ATP13A3: variants seen among roughly 807,000 people sequenced by gnomAD.
The protein encoded by ATP13A3 is polyamine-transporting ATPase 13A3.
ATP13A3 carries 59 observed loss-of-function variants against 158.1 expected under a neutral mutation model. The observed-to-expected ratio is 0.37, with a 90% CI of 0.30 to 0.46. The LOEUF is 0.46. ATP13A3 is among the 20% of genes least tolerant of loss of function. The probability of loss-of-function intolerance (pLI) is 1.00; values close to 1 mark genes in which losing one functional copy is unlikely to be tolerated. For synonymous variants in ATP13A3, 491 were observed against 504.3 expected, an observed-to-expected ratio of 0.97 and a Z score of 0.35; for missense variants, 1,166 against 1,525.2, an observed-to-expected ratio of 0.76 and a Z score of 3.92.
In ATP13A3 at chr3:194,413,594, A is replaced by G. The variant is rs547463099; in HGVS notation, c.3483+165T>C. Among the ~76,000 whole-genome samples, 5 of 152,336 alleles carry G rather than the reference A, an allele frequency of 3.3e-5. No homozygotes were observed. The East Asian group carries it at 9.6e-4, about 29-fold the overall frequency. On this transcript the variant is annotated intron_variant, in intron 32 of 33. Transcript: ENST00000645319. Reference sequence around the variant, plus strand: ...CACCTCCCTTAATATGACCACTATCAATTCATGGAAAAGTTCACAAGAGAA... The same window carrying G: ...CACCTCCCTTAATATGACCACTATCGATTCATGGAAAAGTTCACAAGAGAA...
At chr3:194,432,351 G>A (rs935718823) in intron 21 of ATP13A3, among the ~76,000 whole-genome samples, 1 of 152,136 alleles carries the variant, frequency 6.6e-6, no homozygotes, top group African/African-American at 2.4e-5. Context: ...CAGGTAATAA[G>A]AACAGGTGTA....
Position 194,429,058 on chromosome 3 carries a change from G to A in ATP13A3, c.2875-141C>T, listed in dbSNP as rs1008578409. On this transcript the variant is annotated intron_variant, in intron 27 of 33. Coordinates refer to ENST00000645319, the MANE Select transcript of ATP13A3 (RefSeq NM_001367549.1). ...GACCTGCTTAAAAATTGAAATATAA[G>A]TGTCTCTGAAACTAAATATAACATA... 9.9e-6 allele frequency: 5 copies of A among 503,326 alleles called. No homozygotes were observed. The African/African-American group carries it at 1.0e-4, about 10-fold the overall frequency. The allele number at this position is 503,326 out of a possible 1,614,324, so 31.2% of individuals were successfully genotyped here.
At chr3:194,447,348 C>T (rs1718474919) in intron 13 of ATP13A3, among the ~76,000 whole-genome samples, 1 of 152,126 alleles carries the variant, frequency 6.6e-6, no homozygotes, top group Non-Finnish European at 1.5e-5. Context: ...AGAAACTTAT[C>T]TCATTTTCAA....
intron 17 of ATP13A3, 48 bp from the exon 18 acceptor site, chr3:194,437,621 A>T (rs185883180): frequency 2.6e-6 from 4 of 1,523,000 alleles, no homozygotes. Context: ...TAACTCTATT[A>T]ACACACTAAA....
At position 194,433,910 on chromosome 3, in the gene ATP13A3, A is replaced by T. The variant is rs1717432432; in HGVS notation, c.2121-14T>A. The T allele has an allele frequency of 6.2e-7, 1 of 1,612,062 alleles. No individual in the cohort carries two copies. Among genetic ancestry groups the T allele is most frequent in the South Asian group, 1.1e-5 (1 of 90,942 alleles). ...TCAATTGCATCTCTGCAGAAAAAGA[A>T]GTTTTAACACATAATGGTTTAGTCA... On this transcript the variant is annotated splice_polypyrimidine_tract_variant and intron_variant, in intron 20 of 33. Coordinates refer to ENST00000645319, the MANE Select transcript of ATP13A3 (RefSeq NM_001367549.1).
rs1714727475 is a variant in ATP13A3 at position 194,403,192 on chromosome 3, G to C, written c.*2727C>G. 6.6e-6 allele frequency: 1 copy of C among 152,166 alleles called. No individual in the cohort carries two copies. The highest frequency in any genetic ancestry group is 1.5e-5 in the Non-Finnish European group (1 of 68,018). The allele number at this position is 152,166 out of a possible 1,614,324, so 9.4% of individuals were successfully genotyped here. On this transcript the variant is annotated 3_prime_UTR_variant, in exon 34 of 34. Transcript: ENST00000645319. The stretch of plus-strand genomic sequence containing the variant: ...TTTACCATGCCTTTGAAACTGTGCA[G>C]GACTTTCATAAACATGGGGAACAAA...
intron 29 of ATP13A3, among the ~76,000 whole-genome samples, chr3:194,426,664 C>G (rs1038082057): frequency 4.6e-5 from 7 of 152,120 alleles, no homozygotes; most frequent in African/African-American, 1.7e-4. Flanking sequence ...CAGGCAAATA[C>G]AAGCCAAATT....
At chr3:194,408,930 TGTAACACAAA>T (rs1483748036) in intron 33 of ATP13A3, among the ~76,000 whole-genome samples, 10 of 152,152 alleles carry the variant, frequency 6.6e-5, no homozygotes, top group African/African-American at 2.4e-4. Flanking sequence ...GCAAGTACTG[TGTAACACAAA>T]GGCCATGAAA....
chr3:194,429,832 A>G, intron 26 of ATP13A3, 58 bp from the exon 27 acceptor site: 1 of 1,456,786 alleles, frequency 6.9e-7, no homozygotes, highest in South Asian at 1.2e-5. Context: ...CTCCTTTTCC[A>G]AACCACAATT....
Position 194,438,965 on chromosome 3 carries a change from T to A in ATP13A3, c.1718A>T (p.Glu573Val). 1 of 1,576,216 alleles carries A rather than the reference T, an allele frequency of 6.3e-7. No homozygotes were observed. Among genetic ancestry groups the A allele is most frequent in the Non-Finnish European group, 8.6e-7 (1 of 1,163,084 alleles). Reference protein sequence around the residue: ...KMFEAIGWILEEATEEETALH... With the variant: ...KMFEAIGWILVEATEEETALH... ...TGCTGTTTCTTCTTCAGTTGCTTCT[T>A]CCAGAATCTGGAAAAAAAAAAGAGA... The change falls in exon 17 of 34, where the codon GAA becomes GTA. Residue 573 changes from glutamate to valine, a missense_variant. Glu to Val is a moderately radical substitution (Grantham distance 121). Coordinates refer to ENST00000645319, the MANE Select transcript of ATP13A3 (RefSeq NM_001367549.1).
At chr3:194,429,957 A>G in intron 26 of ATP13A3, 115 bp downstream of exon 26, 1 of 1,052,494 alleles carries the variant, frequency 9.5e-7, no homozygotes, top group Non-Finnish European at 1.4e-6. Context: ...GTTACAGCTC[A>G]AATGTGCTAA....
At chr3:194,426,370 T>A (rs924148835) in intron 29 of ATP13A3, among the ~76,000 whole-genome samples, 1 of 152,202 alleles carries the variant, frequency 6.6e-6, no homozygotes, top group Non-Finnish European at 1.5e-5. Context: ...ATGTTATAAT[T>A]TGTGATCCGT....
In ATP13A3 at chr3:194,431,126, T is replaced by G. The variant is rs1717189272; in HGVS notation, c.2522A>C (p.His841Pro). 1 of 1,613,828 alleles carries G rather than the reference T, an allele frequency of 6.2e-7. No homozygotes were observed. The highest frequency in any genetic ancestry group is 8.5e-7 in the Non-Finnish European group (1 of 1,179,860). The change falls in exon 23 of 34, where the codon CAT becomes CCT. Residue 841 changes from histidine to proline, a missense_variant. Physicochemically the swap from His to Pro is moderately conservative, Grantham distance 77. Transcript: ENST00000645319. ...TACCTTAGGAACAAGGTCTTGAAAA[T>G]GCTCCAGTATCACTGAGAATGATTT... Reference protein sequence around the residue: ...NGKSFSVILEHFQDLVPKLML... With the variant: ...NGKSFSVILEPFQDLVPKLML...
chr3:194,476,413 C>T (rs949730448), intron 2 of ATP13A3, among the ~76,000 whole-genome samples: 8 of 152,104 alleles, frequency 5.3e-5, no homozygotes, highest in African/African-American at 1.9e-4. Flanking sequence ...CTCTTTCTTC[C>T]AAAAAATCTG....
intron 5 of ATP13A3, 55 bp from the exon 6 acceptor site, chr3:194,459,596 T>C: frequency 7.1e-7 from 1 of 1,417,030 alleles, no homozygotes; most frequent in South Asian, 1.2e-5. Flanking sequence ...TTGTGATATG[T>C]AATCTGTTAC....
chr3:194,455,977 T>C lies in ATP13A3; in HGVS notation c.561-15A>G, dbSNP rs888100064. 2.1e-6 allele frequency: 3 copies of C among 1,445,570 alleles called. No homozygotes were observed. The highest frequency in any genetic ancestry group is 1.9e-6 in the Non-Finnish European group (2 of 1,053,520). The allele number at this position is 1,445,570 out of a possible 1,614,324, so 89.5% of individuals were successfully genotyped here. ...AAAGCAGTTTTCTATAACAGGAAAA[T>C]ACATTCATAGTATTACATTATATCA... On this transcript the variant is annotated splice_polypyrimidine_tract_variant and intron_variant, in intron 7 of 33. Coordinates refer to ENST00000645319, the MANE Select transcript of ATP13A3 (RefSeq NM_001367549.1).
rs79198546 is a variant in ATP13A3 at position 194,416,171 on chromosome 3, T to C, written c.3403-2332A>G. Reference sequence around the variant, plus strand: ...CATTTCAATAGCTGCAGAAAAAGCATTAGATTGGCTGGGCACAGTGGCTCA... The same window carrying C: ...CATTTCAATAGCTGCAGAAAAAGCACTAGATTGGCTGGGCACAGTGGCTCA... On this transcript the variant is annotated intron_variant, in intron 31 of 33. Coordinates refer to ENST00000645319, the MANE Select transcript of ATP13A3 (RefSeq NM_001367549.1). 2.6e-3 allele frequency among the ~76,000 whole-genome samples: 393 copies of C among 152,288 alleles called. 2 individuals carry two copies. The highest frequency in any genetic ancestry group is 9.0e-3 in the African/African-American group (372 of 41,546).
chr3:194,461,929 T>C (rs1719693373), intron 3 of ATP13A3, among the ~76,000 whole-genome samples: 1 of 152,200 alleles, frequency 6.6e-6, no homozygotes, highest in Non-Finnish European at 1.5e-5. Context: ...CTTCTCAGTT[T>C]TAACAGACCA....
intron 2 of ATP13A3, among the ~76,000 whole-genome samples, chr3:194,465,621 GGTACTGCCTAACAA>G (rs1156375593): frequency 5.3e-5 from 8 of 152,114 alleles, no homozygotes; most frequent in Non-Finnish European, 1.0e-4. Flanking sequence ...AAACTGCTCT[GGTACTGCCTAACAA>G]AGCTTAAACA....
Sources: gnomAD v4.1 joint callset for allele counts (sites outside exome capture counted in the v4.1 genomes callset) on GRCh38, gnomAD v4.1.1 for gene constraint, MANE v1.5 for transcripts, NCBI Gene and HGNC (gene_info 2026-07-23, HGNC 2026-07-21) for gene names.